Variants in DIP2C observed in about 807,000 individuals in gnomAD.
The protein encoded by DIP2C is disco-interacting protein 2 homolog C.
DIP2C carries 33 observed loss-of-function variants against 192.4 expected under a neutral mutation model. That is an observed-to-expected ratio of 0.17 (90% CI 0.13 to 0.23). DIP2C has a LOEUF of 0.23. Among genes scored for constraint, DIP2C ranks in the 10% least tolerant of loss-of-function variants. The pLI is 1.00. For missense variants in DIP2C, 1,537 were observed against 2,110.1 expected (o/e 0.73, Z 5.32); for synonymous variants, 979 against 864.1 (o/e 1.13, Z -2.33).
intron 2 of DIP2C, among the ~76,000 whole-genome samples, chr10:485,754 C>A (rs1843968897): frequency 6.6e-6 from 1 of 152,182 alleles, no homozygotes; most frequent in Non-Finnish European, 1.5e-5. Context: ...TGTTGCTAGC[C>A]TTTATGTTTG....
chr10:612,859 C>T (rs1023245191), intron 1 of DIP2C, among the ~76,000 whole-genome samples: 1 of 152,176 alleles, frequency 6.6e-6, no homozygotes, highest in African/African-American at 2.4e-5. Flanking sequence ...TGTCAGGTTC[C>T]CATGAGCCAA....
intron 1 of DIP2C, among the ~76,000 whole-genome samples, chr10:569,681 ATGGAGAGACTTC>A (rs1849664043): frequency 6.6e-6 from 1 of 152,174 alleles, no homozygotes; most frequent in Non-Finnish European, 1.5e-5. Flanking sequence ...GCAAAATAAA[ATGGAGAGACTTC>A]TTACTGCAGG....
chr10:621,002 G>A (rs1167142811), intron 1 of DIP2C, among the ~76,000 whole-genome samples: 2 of 152,220 alleles, frequency 1.3e-5, no homozygotes, highest in Non-Finnish European at 1.5e-5. Context: ...CGTTCTTGTA[G>A]TTTTCAGTTG....
Position 651,948 on chromosome 10 carries a change from C to T in DIP2C, c.85+37546G>A, listed in dbSNP as rs1004680090. ...CAAATCCAGGCACACTCACGCCCCACAAGTGGACCTGCCGAACCTGCGTGT... is the reference window on the plus strand; with the variant it reads ...CAAATCCAGGCACACTCACGCCCCATAAGTGGACCTGCCGAACCTGCGTGT... On this transcript the variant is annotated intron_variant, in intron 1 of 36. Transcript: ENST00000280886. The surrounding 1 kb of genome is among the most constrained non-coding windows in gnomAD (Gnocchi z 4.1). The T allele has an allele frequency of 5.9e-6, 1 of 170,662 alleles. No individual in the cohort carries two copies. The highest frequency in any genetic ancestry group is 2.4e-5 in the African/African-American group (1 of 41,536). 10.6% of individuals were successfully genotyped at this position (170,662 alleles called of 1,614,324 possible). A position where few individuals can be genotyped will look rare whatever the true frequency, so the allele number is the denominator to read the frequency against.
intron 1 of DIP2C, among the ~76,000 whole-genome samples, chr10:589,475 G>T (rs750994954): frequency 2.6e-5 from 4 of 152,000 alleles, no homozygotes; most frequent in Non-Finnish European, 5.9e-5. Flanking sequence ...TTACATTCAG[G>T]GTTATGGTCC....
At chr10:504,839 C>CA (rs1456336788) in intron 1 of DIP2C, among the ~76,000 whole-genome samples, 3 of 152,226 alleles carry the variant, frequency 2.0e-5, no homozygotes, top group African/African-American at 4.8e-5. Flanking sequence ...TCACGGCTTT[C>CA]ATTGCATGTC....
chr10:296,851 A>G (rs1017753482), intron 32 of DIP2C, among the ~76,000 whole-genome samples: 6 of 132,712 alleles, frequency 4.5e-5, no homozygotes, highest in Non-Finnish European at 7.7e-5. Context: ...GAACACTTGG[A>G]CACAGGAAGG....
chr10:381,747 C>CA (rs1201853573), intron 17 of DIP2C, among the ~76,000 whole-genome samples: 2 of 152,294 alleles, frequency 1.3e-5, no homozygotes, highest in East Asian at 1.9e-4. Context: ...AAGCCTGTTG[C>CA]AAGCAGGTCT....
At chr10:336,518 A>G (rs1293776730) in intron 29 of DIP2C, among the ~76,000 whole-genome samples, 1 of 152,202 alleles carries the variant, frequency 6.6e-6, no homozygotes, top group Non-Finnish European at 1.5e-5. Context: ...GGCACGGTGG[A>G]TTAGGTTTTT....
At chr10:284,276 G>A (rs544897919) in intron 34 of DIP2C, among the ~76,000 whole-genome samples, 19 of 152,256 alleles carry the variant, frequency 1.2e-4, no homozygotes, top group South Asian at 4.1e-4. Flanking sequence ...CCTCACATAT[G>A]GCAGGCACTC....
At chr10:684,064 G>A (rs1168220227) in intron 1 of DIP2C, among the ~76,000 whole-genome samples, 1 of 152,260 alleles carries the variant, frequency 6.6e-6, no homozygotes, top group Non-Finnish European at 1.5e-5. Flanking sequence ...TGCCCTTCAT[G>A]TGGGTTCGCT....
intron 1 of DIP2C, among the ~76,000 whole-genome samples, chr10:588,227 G>A (rs930730886): frequency 3.4e-4 from 47 of 139,812 alleles, no homozygotes; most frequent in South Asian, 9.4e-4. Context: ...CTGACCCTGC[G>A]GAAACCCCAC....
intron 26 of DIP2C, among the ~76,000 whole-genome samples, chr10:347,273 CACGCATA>C (rs1958523333): frequency 8.5e-6 from 1 of 118,242 alleles, no homozygotes; most frequent in African/African-American, 3.6e-5. Context: ...CCAGACACAT[CACGCATA>C]GTTCTCCCGG....
intron 2 of DIP2C, among the ~76,000 whole-genome samples, chr10:474,307 A>T (rs1376263414): frequency 1.3e-5 from 2 of 152,178 alleles, no homozygotes; most frequent in African/African-American, 4.8e-5. Context: ...ATACCGTTCT[A>T]TCTTACGCTT....
At chr10:355,242 C>T (rs144535233) in intron 24 of DIP2C, among the ~76,000 whole-genome samples, 3 of 152,276 alleles carry the variant, frequency 2.0e-5, no homozygotes, top group East Asian at 1.9e-4. Flanking sequence ...ATACAGTGAA[C>T]GACCAATGGC....
chr10:551,751 C>G (rs1848600018), intron 1 of DIP2C, among the ~76,000 whole-genome samples: 1 of 152,230 alleles, frequency 6.6e-6, no homozygotes, highest in Non-Finnish European at 1.5e-5. Context: ...ATTCAGCCAG[C>G]TCTCTCAATG....
chr10:575,123 G>A (rs1006592855), intron 1 of DIP2C, among the ~76,000 whole-genome samples: 4 of 152,044 alleles, frequency 2.6e-5, no homozygotes, highest in African/African-American at 4.8e-5. Context: ...ATATCACAAC[G>A]TTCTCAACTT....
intron 1 of DIP2C, among the ~76,000 whole-genome samples, chr10:594,716 G>T (rs1021874575): frequency 1.3e-5 from 2 of 152,156 alleles, no homozygotes; most frequent in Non-Finnish European, 1.5e-5. Context: ...GGCAGGTCTC[G>T]TCGGCCCCCT....
rs556667374 is a variant in DIP2C at position 420,695 on chromosome 10, C to G, written c.605-1496G>C. 4.6e-5 allele frequency among the ~76,000 whole-genome samples: 7 copies of G among 152,316 alleles called. No individual in the cohort carries two copies. In the South Asian group the frequency reaches 1.5e-3, roughly 32 times the overall value. On this transcript the variant is annotated intron_variant, in intron 5 of 36. Coordinates refer to ENST00000280886, the MANE Select transcript of DIP2C (RefSeq NM_014974.3). ...CTCTTAAGATACATGTGAGATGTCCCTACTTAATTGCCGGCATAATTAAAT... is the reference window on the plus strand; with the variant it reads ...CTCTTAAGATACATGTGAGATGTCCGTACTTAATTGCCGGCATAATTAAAT...
Sources: gnomAD v4.1 joint callset for allele counts (sites outside exome capture counted in the v4.1 genomes callset) on GRCh38, gnomAD v4.1.1 for gene constraint, Gnocchi (gnomAD v3.1) non-coding constraint, MANE v1.5 for transcripts, NCBI Gene and HGNC (gene_info 2026-07-23, HGNC 2026-07-21) for gene names.